Variants in MORC1 observed in about 807,000 individuals in gnomAD.
MORC1 encodes MORC family CW-type zinc finger 1, also known as MORC family CW-type zinc finger protein 1.
A neutral mutation model predicts 134.9 loss-of-function variants in MORC1; 59 were observed. That is an observed-to-expected ratio of 0.44 (90% CI 0.35 to 0.54). The LOEUF is 0.54. Ranked by LOEUF, MORC1 falls within the 20% of genes least tolerant of loss-of-function variation. MORC1 has a pLI of 0.00. For synonymous variants in MORC1, 395 were observed against 391.7 expected (o/e 1.01, Z -0.10); for missense variants, 947 against 1,134.5 (o/e 0.83, Z 2.37).
intron 21 of MORC1, among the ~76,000 whole-genome samples, chr3:108,991,435 C>T (rs888924931): frequency 3.3e-5 from 5 of 152,072 alleles, no homozygotes; most frequent in African/African-American, 4.8e-5. Context: ...CAGGATGATT[C>T]CCAGGTTTTG....
At chr3:108,961,305 G>T (rs989404372) in intron 27 of MORC1, among the ~76,000 whole-genome samples, 3 of 152,058 alleles carry the variant, frequency 2.0e-5, no homozygotes, top group African/African-American at 7.3e-5. Context: ...TTGGTGACTG[G>T]GACACTGTTC....
chr3:109,012,629 T>C (rs1359652948), intron 17 of MORC1, among the ~76,000 whole-genome samples: 1 of 152,214 alleles, frequency 6.6e-6, no homozygotes, highest in African/African-American at 2.4e-5. Context: ...GTCTTACATG[T>C]ATTTCGTCAA....
At chr3:109,021,717 G>A (rs1009475024) in intron 17 of MORC1, among the ~76,000 whole-genome samples, 1 of 152,118 alleles carries the variant, frequency 6.6e-6, no homozygotes, top group Non-Finnish European at 1.5e-5. Flanking sequence ...AGTGCTGTCC[G>A]GGTCTGTTTA....
chr3:109,072,837 G>C (rs1950345606), intron 8 of MORC1, among the ~76,000 whole-genome samples: 1 of 151,848 alleles, frequency 6.6e-6, no homozygotes, highest in African/African-American at 2.4e-5. Flanking sequence ...CTTACACTTT[G>C]TCAGAAGTGT....
chr3:109,010,573 C>T (rs980483070), intron 17 of MORC1, among the ~76,000 whole-genome samples: 3 of 152,036 alleles, frequency 2.0e-5, no homozygotes, highest in African/African-American at 7.2e-5. Flanking sequence ...AATTCAAATA[C>T]ATAATTTGAA....
chr3:109,003,652 A>T (rs1948464522), intron 20 of MORC1, among the ~76,000 whole-genome samples: 1 of 152,198 alleles, frequency 6.6e-6, no homozygotes, highest in Non-Finnish European at 1.5e-5. Flanking sequence ...AGGAGTTCGA[A>T]CACAGCAAGG....
chr3:108,973,559 G>A (rs979376349), intron 24 of MORC1, among the ~76,000 whole-genome samples: 1 of 149,032 alleles, frequency 6.7e-6, no homozygotes, highest in Admixed American at 6.7e-5. Context: ...TTTTTTCTTG[G>A]TGTTTTTTTG....
chr3:108,967,945 G>A (rs965652535), intron 26 of MORC1, among the ~76,000 whole-genome samples: 1 of 152,178 alleles, frequency 6.6e-6, no homozygotes, highest in Non-Finnish European at 1.5e-5. Context: ...TCATGACACT[G>A]GGATATTATC....
At chr3:109,106,028 C>T (rs549468448) in intron 3 of MORC1, among the ~76,000 whole-genome samples, 1 of 152,326 alleles carries the variant, frequency 6.6e-6, no homozygotes, top group East Asian at 1.9e-4. Flanking sequence ...TGAGGGGAAT[C>T]CAACCCTGTT....
At chr3:109,046,758 T>C (rs890087925) in intron 14 of MORC1, among the ~76,000 whole-genome samples, 11 of 152,220 alleles carry the variant, frequency 7.2e-5, no homozygotes, top group African/African-American at 2.4e-4. Flanking sequence ...ACATGTGTTA[T>C]AGGATACATA....
At chr3:108,993,630 G>T (rs563561336) in intron 21 of MORC1, among the ~76,000 whole-genome samples, 4 of 152,076 alleles carry the variant, frequency 2.6e-5, no homozygotes, top group Non-Finnish European at 5.9e-5. Context: ...GAAATCACCC[G>T]CTTTTGAAAT....
At chr3:109,069,362 A>T (rs1443617282) in intron 9 of MORC1, among the ~76,000 whole-genome samples, 1 of 152,238 alleles carries the variant, frequency 6.6e-6, no homozygotes, top group African/African-American at 2.4e-5. Context: ...TCACTGTCAT[A>T]GTACCTAAAA....
intron 17 of MORC1, among the ~76,000 whole-genome samples, chr3:109,018,545 A>C (rs1425550152): frequency 6.6e-6 from 1 of 152,226 alleles, no homozygotes; most frequent in South Asian, 2.1e-4. Flanking sequence ...AAAGAGCAAA[A>C]GAATGTGGAG....
chr3:109,072,188 C>T (rs769940131), intron 8 of MORC1, among the ~76,000 whole-genome samples: 1 of 152,144 alleles, frequency 6.6e-6, no homozygotes, highest in Non-Finnish European at 1.5e-5. Context: ...GTCTGACCCC[C>T]GCTTAATTCT....
Position 109,012,460 on chromosome 3 carries a change from G to C in MORC1, c.1705-5369C>G, listed in dbSNP as rs936933820. ...ATATAAATTTTAGAATCAGTTTTTA[G>C]TATCTATCAAAATACTTGTTTGAAT... On this transcript the variant is annotated intron_variant, in intron 17 of 27. Transcript: ENST00000232603. Among the ~76,000 whole-genome samples, 3 of 151,944 alleles carry C rather than the reference G, an allele frequency of 2.0e-5. No individual in the cohort carries two copies. The East Asian group carries it at 5.8e-4, about 29-fold the overall frequency.
intron 16 of MORC1, among the ~76,000 whole-genome samples, chr3:109,029,007 G>A (rs562112159): frequency 1.3e-5 from 2 of 152,294 alleles, no homozygotes; most frequent in African/African-American, 4.8e-5. Flanking sequence ...CAAGGGAGGA[G>A]GAGGCTGAGG....
intron 3 of MORC1, among the ~76,000 whole-genome samples, chr3:109,106,705 A>ACT (rs996048778): frequency 1.3e-5 from 2 of 151,916 alleles, no homozygotes; most frequent in African/African-American, 4.8e-5. Flanking sequence ...TCTCAATTTC[A>ACT]CTGCCTTAAT....
At chr3:109,018,615 C>T (rs1948878448) in intron 17 of MORC1, among the ~76,000 whole-genome samples, 1 of 152,150 alleles carries the variant, frequency 6.6e-6, no homozygotes, top group South Asian at 2.1e-4. Flanking sequence ...AGTTCTTTGC[C>T]TGCAGTACAA....
intron 27 of MORC1, 82 bp from the exon 28 acceptor site, chr3:108,959,202 T>A (rs1306279321): frequency 2.8e-5 from 35 of 1,248,102 alleles, no homozygotes; most frequent in Non-Finnish European, 3.5e-5. Context: ...CCTAACAGTC[T>A]TCCCTATGAC....
Sources: gnomAD v4.1 joint callset for allele counts (sites outside exome capture counted in the v4.1 genomes callset) on GRCh38, gnomAD v4.1.1 for gene constraint, MANE v1.5 for transcripts, NCBI Gene and HGNC (gene_info 2026-07-23, HGNC 2026-07-21) for gene names.